The following UTP6 variants were observed in gnomAD, a reference collection of about 807,000 sequenced individuals.
The protein encoded by UTP6 is UTP6 small subunit processome component.
Under a neutral mutation model 96.5 loss-of-function variants are expected in UTP6, and 60 were observed. That is an observed-to-expected ratio of 0.62 (90% confidence interval 0.51 to 0.77). The LOEUF (loss-of-function observed/expected upper bound fraction) is 0.77. Among genes scored for constraint, UTP6 ranks in the 30% least tolerant of loss-of-function variants. UTP6 has a pLI of 0.00. For missense variants in UTP6, 637 were observed against 706.5 expected, an observed-to-expected ratio of 0.90 and a Z score of 1.12; for synonymous variants, 215 against 240.1, an observed-to-expected ratio of 0.90 and a Z score of 0.96.
intron 17 of UTP6, 123 bp from the exon 18 acceptor site, chr17:31,865,561 C>A (rs2142286256): frequency 1.1e-6 from 1 of 880,720 alleles, no homozygotes; most frequent in Admixed American, 2.5e-5. Context: ...AACATGAACA[C>A]AACTTGGCTC....
intron 14 of UTP6, 149 bp downstream of exon 14, chr17:31,875,085 T>A: frequency 1.2e-6 from 1 of 806,786 alleles, no homozygotes; most frequent in African/African-American, 1.7e-5. Flanking sequence ...AAGCAAATTC[T>A]TCTACTCTTA....
At chr17:31,869,304 G>A (rs1910022760) in intron 16 of UTP6, among the ~76,000 whole-genome samples, 1 of 151,912 alleles carries the variant, frequency 6.6e-6, no homozygotes, top group East Asian at 1.9e-4. Context: ...GAATAGCTGA[G>A]ACCATAGGTG....
Position 31,901,602 on chromosome 17 carries a change from A to G in UTP6, c.26T>C (p.Ile9Thr), listed in dbSNP as rs541116440. The G allele has an allele frequency of 5.6e-6, 9 of 1,613,820 alleles. No homozygotes were observed. Among genetic ancestry groups the G allele is most frequent in the Middle Eastern group, 1.6e-4 (1 of 6,084 alleles). The change falls in exon 1 of 19, where the codon ATA (isoleucine) becomes ACA (threonine). Residue 9 changes from isoleucine to threonine, a missense_variant. Coordinates refer to ENST00000261708, the MANE Select transcript of UTP6 (RefSeq NM_018428.3). Reference protein sequence around the residue: MAEIIQERIEDRLPELEQL... With the variant: MAEIIQERTEDRLPELEQL... ...TTCCAATTCCGGGAGCCGATCTTCT[A>G]TGCGTTCCTGAATTATCTCTGCCAT...
At chr17:31,865,200 A>C (rs1271933899) in intron 18 of UTP6, among the ~76,000 whole-genome samples, 166 bp downstream of exon 18, 1 of 152,068 alleles carries the variant, frequency 6.6e-6, no homozygotes, top group Non-Finnish European at 1.5e-5. Context: ...TTTAGTAGAG[A>C]CGGGGTTTCA....
intron 17 of UTP6, among the ~76,000 whole-genome samples, chr17:31,866,913 A>AAAAAG (rs58862601): frequency 6.8e-6 from 1 of 147,268 alleles, no homozygotes; most frequent in Non-Finnish European, 1.5e-5. Flanking sequence ...AAAAAAAAAA[A>AAAAAG]GTCAATTTAA....
rs987392958 is a variant in UTP6, at chr17:31,883,249, G to C, written c.785+1175C>G. ...TACCAGCACTCAACTATAAACATAT[G>C]AGTATAACTCTCATTTTATGGATAA... On this transcript the variant is annotated intron_variant, in intron 10 of 18. Transcript: ENST00000261708. Among the ~76,000 whole-genome samples, 13 of 150,292 alleles carry C rather than the reference G, an allele frequency of 8.6e-5. No individual in the cohort carries two copies. The South Asian group carries it at 2.5e-3, about 29-fold the overall frequency.
chr17:31,892,421 A>G, intron 5 of UTP6, 98 bp from the exon 6 acceptor site: 5 of 1,254,110 alleles, frequency 4.0e-6, no homozygotes, highest in Non-Finnish European at 4.5e-6. Flanking sequence ...TGTAAAATCC[A>G]ATGGAGCATG....
intron 16 of UTP6, 96 bp from the exon 17 acceptor site, chr17:31,868,208 T>C (rs895308989): frequency 1.7e-5 from 19 of 1,109,314 alleles, no homozygotes; most frequent in Non-Finnish European, 2.2e-5. Flanking sequence ...CCACAACACA[T>C]GGTTTAATAA....
At chr17:31,875,187 A>C (rs958199684) in intron 14 of UTP6, 47 bp downstream of exon 14, 16 of 1,604,452 alleles carry the variant, frequency 1.0e-5, no homozygotes, top group Non-Finnish European at 1.1e-5. Context: ...GGCTAGTCTT[A>C]AAAGGTTTCC....
At chr17:31,870,134 C>T (rs192576482) in intron 16 of UTP6, among the ~76,000 whole-genome samples, 1 of 152,168 alleles carries the variant, frequency 6.6e-6, no homozygotes, top group East Asian at 1.9e-4. Flanking sequence ...CTGTGATGAA[C>T]ATACGAGTAC....
chr17:31,869,634 G>A (rs527380094), intron 16 of UTP6, among the ~76,000 whole-genome samples: 51 of 152,302 alleles, frequency 3.3e-4, no homozygotes, highest in African/African-American at 1.2e-3. Context: ...ACAGGTGTGA[G>A]CCACAGTGCC....
chr17:31,894,664 C>T lies in UTP6; in HGVS notation c.293G>A (p.Arg98His), dbSNP rs1299938494. Reference protein sequence around the residue: ...IVHRVQGVFQRASAKWKDDVQ... With the variant: ...IVHRVQGVFQHASAKWKDDVQ... ...ACTCACTTTCCATTTTGCTGAGGCACGCTGGAAAACACCTTGTACCCGGTG... is the reference window on the plus strand; with the variant it reads ...ACTCACTTTCCATTTTGCTGAGGCATGCTGGAAAACACCTTGTACCCGGTG... Residue 98 changes from arginine (R) to histidine (H), a missense_variant, in exon 4 of 19, where the codon CGT becomes CAT. Physicochemically the swap from Arg to His is conservative, Grantham distance 29. Transcript: ENST00000261708. 3.7e-6 allele frequency: 6 copies of T among 1,609,664 alleles called. No individual in the cohort carries two copies. Among genetic ancestry groups the T allele is most frequent in the African/African-American group, 1.3e-5 (1 of 74,844 alleles).
intron 10 of UTP6, among the ~76,000 whole-genome samples, 194 bp from the exon 11 acceptor site, chr17:31,880,948 G>T (rs984999574): frequency 1.3e-5 from 2 of 152,086 alleles, no homozygotes; most frequent in Non-Finnish European, 2.9e-5. Context: ...GTCTGAGGTG[G>T]GTGGATCACC....
chr17:31,886,973 A>T (rs1331972414), intron 8 of UTP6, among the ~76,000 whole-genome samples: 1 of 152,122 alleles, frequency 6.6e-6, no homozygotes, highest in African/African-American at 2.4e-5. Context: ...TTTCCTAACT[A>T]AGTCCATTTA....
At chr17:31,900,155 T>A (rs1015077831) in intron 1 of UTP6, among the ~76,000 whole-genome samples, 1 of 151,698 alleles carries the variant, frequency 6.6e-6, no homozygotes. Flanking sequence ...AAAAAAAAAG[T>A]ATTCTCTTAC....
chr17:31,887,262 C>A lies in UTP6; in HGVS notation c.595G>T (p.Glu199Ter). The change falls in exon 8 of 19, where the codon GAA becomes TAA. Residue 199 changes from glutamate to a stop codon, truncating the protein, a stop_gained. Transcript: ENST00000261708. LOFTEE classifies it high-confidence loss of function. Reference sequence around the variant, plus strand: ...ACATCCATACTGGCTTTTTCAAATTCTTCCTTCTCCTTCCTCAGTTTTTCA... The same window carrying A: ...ACATCCATACTGGCTTTTTCAAATTATTCCTTCTCCTTCCTCAGTTTTTCA... ...HAEKLRKEKE[E>*]FEKASMDVEN... The A allele has an allele frequency of 5.0e-6, 8 of 1,613,968 alleles. No homozygotes were observed. Among genetic ancestry groups the A allele is most frequent in the Non-Finnish European group, 6.8e-6 (8 of 1,179,948 alleles).
chr17:31,864,025 T>C (rs1567773639), intron 18 of UTP6, among the ~76,000 whole-genome samples: 1 of 152,142 alleles, frequency 6.6e-6, no homozygotes, highest in Non-Finnish European at 1.5e-5. Context: ...GTTTTTTGTT[T>C]TTTTTCCCAG....
At chr17:31,901,400 G>A (rs1251681108) in intron 1 of UTP6, 136 bp downstream of exon 1, 43 of 777,442 alleles carry the variant, frequency 5.5e-5, no homozygotes, top group South Asian at 3.4e-4. Context: ...GGACATCACC[G>A]AAAACGAGAA....
Position 31,861,836 on chromosome 17 carries a change from A to G in UTP6, c.*1523T>C, listed in dbSNP as rs1909570027. 6.6e-6 allele frequency: 1 copy of G among 152,222 alleles called. No individual in the cohort carries two copies. Among genetic ancestry groups the G allele is most frequent in the Admixed American group, 6.5e-5 (1 of 15,272 alleles). The allele number at this position is 152,222 out of a possible 1,614,324, so 9.4% of individuals were successfully genotyped here. On this transcript the variant is annotated 3_prime_UTR_variant, in exon 19 of 19. Transcript: ENST00000261708. ...GACACTTTCATGTATTGCTTGAAAG[A>G]AGGAGCAAACCAGCAATACATATCA...
Sources: allele counts gnomAD v4.1 joint callset (sites outside exome capture counted in the v4.1 genomes callset), GRCh38; gene constraint gnomAD v4.1.1; transcripts MANE v1.5; gene names NCBI Gene and HGNC (gene_info 2026-07-23, HGNC 2026-07-21).